The following MACROD2 variants were observed in gnomAD, a reference collection of about 807,000 sequenced individuals.
MACROD2 encodes ADP-ribose glycohydrolase MACROD2.
A neutral mutation model predicts 70.4 loss-of-function variants in MACROD2; 36 were observed. The observed-to-expected ratio is 0.51, with a 90% CI of 0.39 to 0.68. MACROD2 has a LOEUF of 0.68. MACROD2 is among the 30% of genes least tolerant of loss of function. The probability of loss-of-function intolerance (pLI) is 0.00; values close to 1 mark genes in which losing one functional copy is unlikely to be tolerated. For synonymous variants in MACROD2, 172 were observed against 178.8 expected (o/e 0.96, Z 0.30); for missense variants, 496 against 538.4 (o/e 0.92, Z 0.78).
intron 3 of MACROD2, among the ~76,000 whole-genome samples, chr20:14,345,232 A>G (rs1045442056): frequency 6.6e-6 from 1 of 152,208 alleles, no homozygotes. Flanking sequence ...TATTTTATAT[A>G]TGAATTAAGT....
chr20:15,140,803 T>A (rs1286266512), intron 5 of MACROD2, among the ~76,000 whole-genome samples: 1 of 152,164 alleles, frequency 6.6e-6, no homozygotes, highest in Admixed American at 6.6e-5. Flanking sequence ...TTGAAATATA[T>A]CACACTCTCC....
At chr20:14,044,783 T>G (rs895590397) in intron 2 of MACROD2, among the ~76,000 whole-genome samples, 2 of 152,318 alleles carry the variant, frequency 1.3e-5, no homozygotes, top group Admixed American at 1.3e-4. Context: ...GATCCCGCAC[T>G]GGGGCTGCAG....
chr20:14,260,682 T>C (rs1156844895), intron 3 of MACROD2, among the ~76,000 whole-genome samples: 5 of 152,236 alleles, frequency 3.3e-5, no homozygotes, highest in African/African-American at 1.2e-4. Context: ...TTAAATCATA[T>C]ATCTATCATT....
intron 4 of MACROD2, among the ~76,000 whole-genome samples, chr20:14,625,935 G>A (rs546857054): frequency 2.0e-5 from 3 of 152,228 alleles, no homozygotes; most frequent in Non-Finnish European, 2.9e-5. Flanking sequence ...CGGTTCTCCT[G>A]CCTCAACCTG....
intron 5 of MACROD2, among the ~76,000 whole-genome samples, chr20:14,982,977 G>A (rs573286862): frequency 2.6e-4 from 40 of 152,252 alleles, no homozygotes; most frequent in East Asian, 7.7e-4. Context: ...GAAGGCAGCC[G>A]GGAGGGAGGC....
chr20:15,497,884 G>A (rs1295654510), intron 7 of MACROD2, among the ~76,000 whole-genome samples: 1 of 152,028 alleles, frequency 6.6e-6, no homozygotes, highest in Non-Finnish European at 1.5e-5. Flanking sequence ...TAGACTTTGG[G>A]CTTTTAGAGG....
chr20:14,019,171 G>A (rs1002978982), intron 2 of MACROD2, among the ~76,000 whole-genome samples: 1 of 152,176 alleles, frequency 6.6e-6, no homozygotes, highest in Non-Finnish European at 1.5e-5. Context: ...ATCAAGACAA[G>A]GGAATTGCAA....
intron 4 of MACROD2, among the ~76,000 whole-genome samples, chr20:14,600,368 A>G (rs1241412936): frequency 2.0e-5 from 3 of 150,226 alleles, no homozygotes; most frequent in Non-Finnish European, 4.4e-5. Context: ...ACACACACAA[A>G]TATATATACT....
intron 6 of MACROD2, among the ~76,000 whole-genome samples, chr20:15,251,406 C>T (rs1478490574): frequency 6.6e-6 from 1 of 152,184 alleles, no homozygotes. Context: ...TTACAACATG[C>T]TGCTCAATGA....
At chr20:15,747,069 G>A (rs2051194689) in intron 8 of MACROD2, among the ~76,000 whole-genome samples, 1 of 152,112 alleles carries the variant, frequency 6.6e-6, no homozygotes, top group Non-Finnish European at 1.5e-5. Flanking sequence ...ACCATAAACA[G>A]GAGAATGGGA....
chr20:14,367,134 T>C (rs1393946396), intron 3 of MACROD2, among the ~76,000 whole-genome samples: 2 of 152,214 alleles, frequency 1.3e-5, no homozygotes, highest in East Asian at 3.8e-4. Flanking sequence ...CTAGTTTGGA[T>C]TAATGCCAAC....
At chr20:16,046,293 A>C (rs1454600834) in intron 17 of MACROD2, among the ~76,000 whole-genome samples, 1 of 152,112 alleles carries the variant, frequency 6.6e-6, no homozygotes, top group Non-Finnish European at 1.5e-5. Flanking sequence ...GACTGCTAAA[A>C]AGTATAAGCT....
At chr20:14,349,366 C>T (rs910304686) in intron 3 of MACROD2, among the ~76,000 whole-genome samples, 75 of 149,820 alleles carry the variant, frequency 5.0e-4, no homozygotes, top group African/African-American at 1.8e-3. Flanking sequence ...AACAGGGTAC[C>T]CATCCCTTCA....
chr20:15,933,876 C>T (rs2065616714), intron 11 of MACROD2, among the ~76,000 whole-genome samples: 1 of 152,182 alleles, frequency 6.6e-6, no homozygotes, highest in African/African-American at 2.4e-5. Flanking sequence ...CCCTTCCTGA[C>T]ATCCCCTCTG....
chr20:14,022,371 C>T (rs1601123855), intron 2 of MACROD2, among the ~76,000 whole-genome samples: 4 of 150,918 alleles, frequency 2.7e-5, no homozygotes, highest in Admixed American at 6.6e-5. Context: ...TTTGAACATA[C>T]GTTGAAAGTA....
chr20:15,327,853 A>C (rs1568724595), intron 6 of MACROD2, among the ~76,000 whole-genome samples: 1 of 152,110 alleles, frequency 6.6e-6, no homozygotes, highest in Non-Finnish European at 1.5e-5. Context: ...AGATAGCTAA[A>C]GTTCATTAAA....
chr20:14,962,789 C>T lies in MACROD2; in HGVS notation c.419-267151C>T, dbSNP rs138550906. On this transcript the variant is annotated intron_variant, in intron 5 of 17. Transcript: ENST00000684519. ...CCCTCCTCACCAATGCTCTTTCTCTCGTCTGTCCACTTTCCTCTCTCCATA... is the reference window on the plus strand; with the variant it reads ...CCCTCCTCACCAATGCTCTTTCTCTTGTCTGTCCACTTTCCTCTCTCCATA... Among the ~76,000 whole-genome samples the T allele has an allele frequency of 3.2e-4, 49 of 151,516 alleles. No individual in the cohort carries two copies. In the East Asian group the frequency reaches 8.8e-3, roughly 27 times the overall value.
intron 6 of MACROD2, among the ~76,000 whole-genome samples, chr20:15,270,736 C>G (rs1463901355): frequency 6.6e-6 from 1 of 152,154 alleles, no homozygotes; most frequent in Non-Finnish European, 1.5e-5. Flanking sequence ...TCTTTATGTA[C>G]TAGAAATACC....
intron 3 of MACROD2, among the ~76,000 whole-genome samples, chr20:14,313,341 A>C (rs2122524586): frequency 6.6e-6 from 1 of 152,282 alleles, no homozygotes; most frequent in Non-Finnish European, 1.5e-5. Flanking sequence ...TTCTGTCCCA[A>C]GTAAGCTATT....
Sources: gnomAD v4.1 joint callset for allele counts (sites outside exome capture counted in the v4.1 genomes callset) on GRCh38, gnomAD v4.1.1 for gene constraint, MANE v1.5 for transcripts, NCBI Gene and HGNC (gene_info 2026-07-23, HGNC 2026-07-21) for gene names.